The following GBX1 variants were observed in gnomAD, a reference collection of about 807,000 sequenced individuals.
GBX1 encodes homeobox protein GBX-1.
Under a neutral mutation model 22.9 loss-of-function variants are expected in GBX1, and 9 were observed. The observed-to-expected ratio is 0.39, with a 90% CI of 0.24 to 0.69. GBX1 has a LOEUF of 0.69. Among genes scored for constraint, GBX1 ranks in the 30% least tolerant of loss-of-function variants. The probability of loss-of-function intolerance (pLI) is 0.43; values close to 1 mark genes in which losing one functional copy is unlikely to be tolerated. For missense variants in GBX1, 494 were observed against 509.2 expected (o/e 0.97, Z 0.29); for synonymous variants, 203 against 227.3 (o/e 0.89, Z 0.96).
intron 1 of GBX1, among the ~76,000 whole-genome samples, chr7:151,150,277 GT>G (rs1801062567): frequency 6.6e-6 from 1 of 152,158 alleles, no homozygotes; most frequent in Admixed American, 6.5e-5. Flanking sequence ...TACAAACTCC[GT>G]TTTCTACTCA....
At chr7:151,164,781 T>TTTTG (rs1554475635) in intron 1 of GBX1, among the ~76,000 whole-genome samples, 1 of 144,968 alleles carries the variant, frequency 6.9e-6, no homozygotes, top group African/African-American at 2.6e-5. Context: ...TCCCTCTTTT[T>TTTTG]TTTTTTTTTT....
intron 1 of GBX1, among the ~76,000 whole-genome samples, chr7:151,156,706 T>A (rs948254501): frequency 6.6e-6 from 1 of 152,080 alleles, no homozygotes; most frequent in Non-Finnish European, 1.5e-5. Flanking sequence ...CATTTTTGGC[T>A]GGGCACGGTG....
chr7:151,155,781 T>G (rs1454568870), intron 1 of GBX1, among the ~76,000 whole-genome samples: 1 of 152,172 alleles, frequency 6.6e-6, no homozygotes, highest in Non-Finnish European at 1.5e-5. Flanking sequence ...TTTACTATCT[T>G]ATCTTCAAGC....
At chr7:151,156,548 A>T (rs549698893) in intron 1 of GBX1, among the ~76,000 whole-genome samples, 18 of 152,096 alleles carry the variant, frequency 1.2e-4, no homozygotes, top group Middle Eastern at 3.4e-3. Flanking sequence ...GAGACGTTTC[A>T]CTCACCAAAC....
At chr7:151,164,545 TAGG>T (rs1241382864) in intron 1 of GBX1, among the ~76,000 whole-genome samples, 1 of 152,218 alleles carries the variant, frequency 6.6e-6, no homozygotes, top group Non-Finnish European at 1.5e-5. Context: ...CCGTCACAGA[TAGG>T]AGCTCTCATT....
At chr7:151,163,085 C>A (rs770769328) in intron 1 of GBX1, among the ~76,000 whole-genome samples, 2 of 152,242 alleles carry the variant, frequency 1.3e-5, no homozygotes, top group Non-Finnish European at 2.9e-5. Context: ...GGATTACAGG[C>A]GTGAGCCACC....
chr7:151,156,967 A>C (rs1281014604), intron 1 of GBX1, among the ~76,000 whole-genome samples: 1 of 137,178 alleles, frequency 7.3e-6, no homozygotes, highest in African/African-American at 2.8e-5. Flanking sequence ...CCCAGGCAAC[A>C]GAGTGAGACT....
At chr7:151,153,316 G>A (rs1415157191) in intron 1 of GBX1, among the ~76,000 whole-genome samples, 1 of 152,188 alleles carries the variant, frequency 6.6e-6, no homozygotes, top group African/African-American at 2.4e-5. Context: ...TGCCCCAAGA[G>A]AAGGAGCACT....
At chr7:151,149,178 GAAGC>G in intron 1 of GBX1, 36 bp from the exon 2 acceptor site, 1 of 1,564,934 alleles carries the variant, frequency 6.4e-7, no homozygotes. Context: ...TGGGGAGGGA[GAAGC>G]AAGAAAAAGA....
At position 151,167,419 on chromosome 7, in the gene GBX1, T is replaced by G; in HGVS notation, c.130A>C (p.Thr44Pro). The G allele has an allele frequency of 6.6e-7, 1 of 1,518,304 alleles. No individual in the cohort carries two copies. Among genetic ancestry groups the G allele is most frequent in the Non-Finnish European group, 8.8e-7 (1 of 1,134,714 alleles). 94.1% of individuals were successfully genotyped at this position (1,518,304 alleles called of 1,614,324 possible). ...TAGGGCATGAACATGGGGTAGCCGG[T>G]GTACAGCAAGTGGCCGGAGCGCGGC... ...PPPRSGHLLY[T>P]GYPMFMPYRP... Residue 44 changes from threonine to proline, a missense_variant, in exon 1 of 2, where the codon ACC becomes CCC. Around this residue, in one of 3 missense-constraint regions of GBX1, gnomAD observed 365 missense variants for 340.4 expected, o/e 1.07. Coordinates refer to ENST00000297537, the MANE Select transcript of GBX1 (RefSeq NM_001098834.3). The surrounding 1 kb of genome is among the most constrained non-coding windows in gnomAD (Gnocchi z 5.9).
intron 1 of GBX1, among the ~76,000 whole-genome samples, chr7:151,155,925 G>A (rs1431621390): frequency 6.6e-6 from 1 of 152,170 alleles, no homozygotes; most frequent in East Asian, 1.9e-4. Context: ...AGAGTGTCAG[G>A]TCTAGCATCA....
chr7:151,152,265 C>T (rs972316771), intron 1 of GBX1, among the ~76,000 whole-genome samples: 6 of 152,138 alleles, frequency 3.9e-5, no homozygotes, highest in Non-Finnish European at 5.9e-5. Flanking sequence ...TAAGCCTCTC[C>T]GACGATATTC....
intron 1 of GBX1, among the ~76,000 whole-genome samples, chr7:151,160,871 T>C (rs888276733): frequency 2.0e-5 from 3 of 152,236 alleles, no homozygotes; most frequent in Admixed American, 1.3e-4. Context: ...TTATGAGCAC[T>C]ACCTTGCATA....
chr7:151,156,431 G>GAGAA (rs1320165560), intron 1 of GBX1, among the ~76,000 whole-genome samples: 2 of 100,582 alleles, frequency 2.0e-5, no homozygotes, highest in Non-Finnish European at 4.3e-5. Context: ...AAAAAAGAGA[G>GAGAA]AGAAAGAAAA....
chr7:151,149,160 C>T lies in GBX1; in HGVS notation c.539-18G>A. The stretch of plus-strand genomic sequence containing the variant: ...CCCCTCTGCTGTGAGGAGCAAGAAG[C>T]CAATGGATGGGGAGGGAGAAGCAAG... On this transcript the variant is annotated intron_variant, in intron 1 of 1. Transcript: ENST00000297537. The T allele has an allele frequency of 1.3e-6, 2 of 1,587,142 alleles. No homozygotes were observed. Among genetic ancestry groups the T allele is most frequent in the Non-Finnish European group, 1.7e-6 (2 of 1,171,670 alleles).
At chr7:151,165,243 T>C (rs1346525006) in intron 1 of GBX1, among the ~76,000 whole-genome samples, 1 of 152,222 alleles carries the variant, frequency 6.6e-6, no homozygotes, top group African/African-American at 2.4e-5. Flanking sequence ...CAATATACTA[T>C]ATGATCCAGA....
rs1411972260 is a variant in GBX1, at chr7:151,149,891, A to G, written c.539-749T>C. The G allele has an allele frequency of 1.3e-5, 6 of 455,646 alleles. No individual in the cohort carries two copies. The East Asian group carries it at 4.2e-4, about 32-fold the overall frequency. 28.2% of individuals were successfully genotyped at this position (455,646 alleles called of 1,614,324 possible). ...GATCCCCTTTCAATCCTTACCCTTG[A>G]CCTTAAAATGAAACCATCTCTTTCC... On this transcript the variant is annotated intron_variant, in intron 1 of 1. Coordinates refer to ENST00000297537, the MANE Select transcript of GBX1 (RefSeq NM_001098834.3).
At position 151,167,147 on chromosome 7, in the gene GBX1, T is replaced by G. The variant is rs193195002; in HGVS notation, c.402A>C (p.Arg134=). ...AAAAAAATAA[R]NNPEPGGRRP... ...GTCGGCCGCCTGGCTCGGGGTTGTT[T>G]CGGGCGGCAGTGGCGGCGGCGGCGG... The change falls in exon 1 of 2, where the codon CGA becomes CGC. Residue 134 remains arginine, a synonymous_variant. Coordinates refer to ENST00000297537, the MANE Select transcript of GBX1 (RefSeq NM_001098834.3). The surrounding 1 kb of genome is among the most constrained non-coding windows in gnomAD (Gnocchi z 5.9). 185 of 1,600,472 alleles carry G rather than the reference T, an allele frequency of 1.2e-4. No homozygotes were observed. Among genetic ancestry groups the G allele is most frequent in the Non-Finnish European group, 1.5e-4 (171 of 1,175,294 alleles).
chr7:151,153,297 G>A (rs375058823), intron 1 of GBX1, among the ~76,000 whole-genome samples: 20 of 152,214 alleles, frequency 1.3e-4, no homozygotes, highest in Admixed American at 4.6e-4. Flanking sequence ...CCTGCCATTT[G>A]CTCTCTGCTG....
Sources: allele counts gnomAD v4.1 joint callset (sites outside exome capture counted in the v4.1 genomes callset), GRCh38; gene constraint gnomAD v4.1.1; regional missense constraint gnomAD v4.1.1; non-coding constraint Gnocchi (gnomAD v3.1); transcripts MANE v1.5; gene names NCBI Gene and HGNC (gene_info 2026-07-23, HGNC 2026-07-21).